The following NKAIN2 variants were observed in gnomAD, a reference collection of about 807,000 sequenced individuals.
NKAIN2 encodes sodium/potassium transporting ATPase interacting 2.
A neutral mutation model predicts 32.6 loss-of-function variants in NKAIN2; 14 were observed. That is an observed-to-expected ratio of 0.43 (90% CI 0.28 to 0.67). The LOEUF is 0.67. Ranked by LOEUF, NKAIN2 falls within the 30% of genes least tolerant of loss-of-function variation. NKAIN2 has a pLI of 0.17. For missense variants in NKAIN2, 198 were observed against 258.3 expected (o/e 0.77, Z 1.60); for synonymous variants, 80 against 87.2 (o/e 0.92, Z 0.46).
chr6:124,798,521 G>A (rs185168996), intron 5 of NKAIN2, among the ~76,000 whole-genome samples: 187 of 152,156 alleles, frequency 1.2e-3, no homozygotes, highest in Non-Finnish European at 2.2e-3. Context: ...GGCTTTGCAC[G>A]CCACTAATCT....
chr6:124,073,118 T>C (rs1783535222), intron 1 of NKAIN2, among the ~76,000 whole-genome samples: 1 of 152,212 alleles, frequency 6.6e-6, no homozygotes, highest in Non-Finnish European at 1.5e-5. Flanking sequence ...AAAAGTTCAG[T>C]GATGAACATT....
chr6:124,377,653 G>A (rs1364467766), intron 3 of NKAIN2, among the ~76,000 whole-genome samples: 1 of 152,118 alleles, frequency 6.6e-6, no homozygotes, highest in Non-Finnish European at 1.5e-5. Flanking sequence ...GGGTGAGGCT[G>A]GAGGATTAGG....
At chr6:123,882,114 CTGTT>C (rs1177651550) in intron 1 of NKAIN2, among the ~76,000 whole-genome samples, 1 of 151,986 alleles carries the variant, frequency 6.6e-6, no homozygotes, top group African/African-American at 2.4e-5. Flanking sequence ...TTTCCACTGT[CTGTT>C]AGGACCAACC....
At chr6:124,028,871 A>G (rs1157495149) in intron 1 of NKAIN2, among the ~76,000 whole-genome samples, 9 of 44,454 alleles carry the variant, frequency 2.0e-4, no homozygotes, top group Non-Finnish European at 5.0e-4. Context: ...ATATACACAT[A>G]TATGTATATA....
At chr6:124,217,834 G>T (rs999750182) in intron 1 of NKAIN2, among the ~76,000 whole-genome samples, 4 of 151,872 alleles carry the variant, frequency 2.6e-5, no homozygotes, top group South Asian at 2.1e-4. Context: ...TATAGAGAGA[G>T]ATATAGATAT....
intron 1 of NKAIN2, among the ~76,000 whole-genome samples, chr6:124,094,855 T>C (rs549494066): frequency 2.0e-5 from 3 of 152,132 alleles, no homozygotes; most frequent in African/African-American, 7.2e-5. Context: ...TCATAACTTA[T>C]AAAATTATGA....
chr6:124,339,294 G>A (rs909693204), intron 2 of NKAIN2, among the ~76,000 whole-genome samples: 1 of 141,434 alleles, frequency 7.1e-6, no homozygotes, highest in African/African-American at 2.6e-5. Flanking sequence ...GCAGTGAGCC[G>A]AGATCGCACC....
chr6:124,117,343 G>A (rs937070898), intron 1 of NKAIN2, among the ~76,000 whole-genome samples: 1 of 152,110 alleles, frequency 6.6e-6, no homozygotes, highest in Non-Finnish European at 1.5e-5. Context: ...TTGATTGATA[G>A]CATCTTTCTC....
At chr6:124,150,683 A>G (rs1787670300) in intron 1 of NKAIN2, among the ~76,000 whole-genome samples, 3 of 152,258 alleles carry the variant, frequency 2.0e-5, no homozygotes, top group South Asian at 2.1e-4. Context: ...TTTTGAAAGC[A>G]TATCTGTAAT....
chr6:124,230,877 C>T (rs756555341), intron 1 of NKAIN2, among the ~76,000 whole-genome samples: 2 of 152,086 alleles, frequency 1.3e-5, no homozygotes, highest in Non-Finnish European at 2.9e-5. Flanking sequence ...TTGGAGACCC[C>T]ACACAGAGTC....
chr6:124,030,678 G>C (rs1448138788), intron 1 of NKAIN2, among the ~76,000 whole-genome samples: 2 of 152,148 alleles, frequency 1.3e-5, no homozygotes, highest in Non-Finnish European at 2.9e-5. Context: ...ATCAACACTA[G>C]CTTTACAGAT....
intron 3 of NKAIN2, among the ~76,000 whole-genome samples, chr6:124,378,081 A>G (rs571015707): frequency 6.6e-6 from 1 of 152,250 alleles, no homozygotes; most frequent in East Asian, 1.9e-4. Context: ...TATTGGTGTC[A>G]GTGTGACTTC....
intron 1 of NKAIN2, among the ~76,000 whole-genome samples, chr6:124,079,790 T>C (rs1257792953): frequency 6.6e-6 from 1 of 151,952 alleles, no homozygotes; most frequent in Non-Finnish European, 1.5e-5. Context: ...CACTAGGGAG[T>C]ATTAGCAAAA....
chr6:124,218,271 G>T (rs559822051), intron 1 of NKAIN2, among the ~76,000 whole-genome samples: 1 of 152,166 alleles, frequency 6.6e-6, no homozygotes, highest in East Asian at 1.9e-4. Flanking sequence ...TTGTTTTGGC[G>T]CGTGCGTGGA....
intron 1 of NKAIN2, among the ~76,000 whole-genome samples, chr6:124,060,202 C>T (rs901337682): frequency 6.6e-6 from 1 of 152,118 alleles, no homozygotes; most frequent in Non-Finnish European, 1.5e-5. Flanking sequence ...TCACATTTGG[C>T]TTTCAGAGAC....
chr6:124,070,087 A>G (rs1783373767), intron 1 of NKAIN2, among the ~76,000 whole-genome samples: 1 of 152,140 alleles, frequency 6.6e-6, no homozygotes. Flanking sequence ...GTCAGCACCT[A>G]TCTTTCCTTT....
intron 2 of NKAIN2, among the ~76,000 whole-genome samples, chr6:124,315,851 T>C (rs949540776): frequency 1.3e-5 from 2 of 152,150 alleles, no homozygotes; most frequent in Admixed American, 6.6e-5. Context: ...TCTCTTCTTA[T>C]TCAAAACATT....
chr6:124,672,750 A>C (rs1056232658), intron 4 of NKAIN2, among the ~76,000 whole-genome samples: 3 of 152,072 alleles, frequency 2.0e-5, no homozygotes, highest in African/African-American at 7.2e-5. Context: ...GACAAAGAAG[A>C]GGATTCAACA....
chr6:124,281,770 A>G (rs1484096191), intron 1 of NKAIN2, among the ~76,000 whole-genome samples: 1 of 152,226 alleles, frequency 6.6e-6, no homozygotes, highest in Non-Finnish European at 1.5e-5. Flanking sequence ...AGTAGGAATA[A>G]TGATCATTCA....
Sources: allele counts gnomAD v4.1 joint callset (sites outside exome capture counted in the v4.1 genomes callset), GRCh38; gene constraint gnomAD v4.1.1; transcripts MANE v1.5; gene names NCBI Gene and HGNC (gene_info 2026-07-23, HGNC 2026-07-21).